Variants in ADGRA3 observed in about 807,000 individuals in gnomAD.
ADGRA3 encodes adhesion G protein-coupled receptor A3, also known as G-protein coupled receptor 125.
ADGRA3 carries 56 observed loss-of-function variants against 119.8 expected under a neutral mutation model. That is an observed-to-expected ratio of 0.47 (90% CI 0.38 to 0.58). The LOEUF (loss-of-function observed/expected upper bound fraction) is 0.58. ADGRA3 is among the 20% of genes least tolerant of loss of function. The probability of loss-of-function intolerance (pLI) is 0.00; values close to 1 mark genes in which losing one functional copy is unlikely to be tolerated. For synonymous variants in ADGRA3, 607 were observed against 623.8 expected (o/e 0.97, Z 0.40); for missense variants, 1,516 against 1,649.0 (o/e 0.92, Z 1.40).
chr4:22,420,066 T>C (rs1045492196), intron 12 of ADGRA3: 2 of 152,594 alleles, frequency 1.3e-5, no homozygotes, highest in African/African-American at 4.8e-5. Flanking sequence ...ATTTATTGAG[T>C]GCTCACACTA....
At chr4:22,486,278 C>T (rs549506271) in intron 1 of ADGRA3, among the ~76,000 whole-genome samples, 7 of 152,236 alleles carry the variant, frequency 4.6e-5, no homozygotes, top group Non-Finnish European at 8.8e-5. Context: ...TGTATATCTA[C>T]TTAAGGGGCC....
chr4:22,480,713 G>A (rs1010166990), intron 1 of ADGRA3, among the ~76,000 whole-genome samples: 7 of 152,096 alleles, frequency 4.6e-5, no homozygotes, highest in African/African-American at 1.7e-4. Flanking sequence ...ACTACTGTCT[G>A]TAAAAGCTAA....
chr4:22,511,959 C>A (rs1482351099), intron 1 of ADGRA3, among the ~76,000 whole-genome samples: 1 of 131,694 alleles, frequency 7.6e-6, no homozygotes, highest in African/African-American at 2.9e-5. Flanking sequence ...TGCAGTGGCA[C>A]GATCTTCACT....
chr4:22,410,576 A>G (rs886104019), intron 14 of ADGRA3, among the ~76,000 whole-genome samples: 2 of 152,190 alleles, frequency 1.3e-5, no homozygotes, highest in African/African-American at 4.8e-5. Flanking sequence ...CTTACTATAT[A>G]AAAGGATATA....
intron 7 of ADGRA3, among the ~76,000 whole-genome samples, chr4:22,440,215 C>T (rs1305410613): frequency 1.3e-5 from 2 of 152,152 alleles, no homozygotes; most frequent in African/African-American, 4.8e-5. Flanking sequence ...CCCCTTCAAT[C>T]TCCAAATCTG....
chr4:22,474,791 T>C (rs931699026), intron 1 of ADGRA3, among the ~76,000 whole-genome samples: 11 of 152,286 alleles, frequency 7.2e-5, no homozygotes, highest in African/African-American at 2.6e-4. Flanking sequence ...CGAGGCACAC[T>C]ACAGGCATCT....
chr4:22,388,977 T>G (rs1301435662), intron 18 of ADGRA3, 30 bp from the exon 19 acceptor site: 1 of 1,607,636 alleles, frequency 6.2e-7, no homozygotes, highest in Admixed American at 1.7e-5. Context: ...ACCAGATCGA[T>G]GCTACATGTT....
intron 9 of ADGRA3, 134 bp downstream of exon 9, chr4:22,436,306 T>G (rs1716389085): frequency 1.5e-6 from 1 of 662,320 alleles, no homozygotes; most frequent in South Asian, 2.0e-5. Context: ...CTGAAGACAG[T>G]TAAGTCAACT....
chr4:22,424,383 T>C, intron 10 of ADGRA3, 31 bp from the exon 11 acceptor site: 1 of 1,600,194 alleles, frequency 6.2e-7, no homozygotes, highest in Non-Finnish European at 8.5e-7. Flanking sequence ...AAAAGAAAGA[T>C]CTTTAAAACC....
At chr4:22,440,531 CT>C (rs986755843) in intron 7 of ADGRA3, among the ~76,000 whole-genome samples, 1 of 152,084 alleles carries the variant, frequency 6.6e-6, no homozygotes, top group African/African-American at 2.4e-5. Context: ...AAGATTTTCA[CT>C]TTAGTCACAT....
chr4:22,469,520 G>C (rs1181272574), intron 2 of ADGRA3, among the ~76,000 whole-genome samples: 1 of 152,092 alleles, frequency 6.6e-6, no homozygotes, highest in Non-Finnish European at 1.5e-5. Flanking sequence ...ACCATCTACA[G>C]CTTTAAGTCC....
At chr4:22,404,080 G>A (rs913250889) in intron 14 of ADGRA3, among the ~76,000 whole-genome samples, 7 of 152,170 alleles carry the variant, frequency 4.6e-5, no homozygotes, top group Non-Finnish European at 1.0e-4. Flanking sequence ...TGGCCACCAT[G>A]CCAGATAACC....
At chr4:22,512,960 T>G (rs73114199) in intron 1 of ADGRA3, among the ~76,000 whole-genome samples, 4,591 of 152,192 alleles carry the variant, frequency 0.03, 233 homozygotes, top group African/African-American at 0.11. Flanking sequence ...AGAAAGCATC[T>G]GAACTGCAGG....
rs555999247 is a variant in ADGRA3 at position 22,482,113 on chromosome 4, A to G, written c.258-8270T>C. Among the ~76,000 whole-genome samples the G allele has an allele frequency of 3.3e-5, 5 of 152,300 alleles. No homozygotes were observed. The South Asian group carries it at 1.0e-3, about 32-fold the overall frequency. On this transcript the variant is annotated intron_variant, in intron 1 of 18. Transcript: ENST00000334304. ...AAAATAATTCTGGGTGGTATGCTTT[A>G]GCTCTTGTGTGTCAAGAAATGTTTT...
At chr4:22,460,197 T>C (rs964893873) in intron 3 of ADGRA3, among the ~76,000 whole-genome samples, 1 of 152,200 alleles carries the variant, frequency 6.6e-6, no homozygotes, top group Non-Finnish European at 1.5e-5. Context: ...GTTCTGTTTA[T>C]GATCTAACCT....
intron 1 of ADGRA3, among the ~76,000 whole-genome samples, chr4:22,511,392 G>A (rs1197669607): frequency 3.9e-5 from 6 of 152,112 alleles, no homozygotes; most frequent in African/African-American, 1.4e-4. Flanking sequence ...GAGACACGGG[G>A]AACACACAGT....
At chr4:22,495,295 T>TATTATAG (rs1395064232) in intron 1 of ADGRA3, among the ~76,000 whole-genome samples, 1 of 152,026 alleles carries the variant, frequency 6.6e-6, no homozygotes, top group Non-Finnish European at 1.5e-5. Flanking sequence ...AACTTATGGC[T>TATTATAG]GCGCACAGTG....
rs114495224 is a variant in ADGRA3 at position 22,492,372 on chromosome 4, A to C, written c.258-18529T>G. Reference sequence around the variant, plus strand: ...ACAATGGTTTTTAAACTTGACTGTAACTCACCGTTTTCCTTCAATAACCCA... The same window carrying C: ...ACAATGGTTTTTAAACTTGACTGTACCTCACCGTTTTCCTTCAATAACCCA... On this transcript the variant is annotated intron_variant, in intron 1 of 18. Coordinates refer to ENST00000334304, the MANE Select transcript of ADGRA3 (RefSeq NM_145290.4). Among the ~76,000 whole-genome samples, 1,284 of 152,150 alleles carry C rather than the reference A, an allele frequency of 8.4e-3. 27 individuals are homozygous for C. The highest frequency in any genetic ancestry group is 0.029 in the African/African-American group (1,217 of 41,496).
intron 10 of ADGRA3, among the ~76,000 whole-genome samples, chr4:22,425,234 T>C (rs1715883468): frequency 6.6e-6 from 1 of 152,178 alleles, no homozygotes; most frequent in Non-Finnish European, 1.5e-5. Flanking sequence ...ATACCTAGAA[T>C]GAACTGCATC....
Sources: allele counts gnomAD v4.1 joint callset (sites outside exome capture counted in the v4.1 genomes callset), GRCh38; gene constraint gnomAD v4.1.1; transcripts MANE v1.5; gene names NCBI Gene and HGNC (gene_info 2026-07-23, HGNC 2026-07-21).